The following DYM variants were observed in gnomAD, a reference collection of about 807,000 sequenced individuals.
The protein encoded by DYM is dyggve-Melchior-Clausen syndrome protein.
DYM carries 78 observed loss-of-function variants against 93.1 expected under a neutral mutation model. The ratio of observed to expected loss-of-function variants is 0.84; its 90% CI spans 0.70 to 1.01. The LOEUF (loss-of-function observed/expected upper bound fraction) is 1.01, where lower values mean the gene tolerates loss of function less well. Ranked by LOEUF, DYM falls within the 50% of genes least tolerant of loss-of-function variation. The pLI is 0.00. For missense variants in DYM, 789 were observed against 845.0 expected (o/e 0.93, Z 0.82); for synonymous variants, 321 against 319.7 (o/e 1.00, Z -0.04).
chr18:49,068,000 T>C (rs1049934165), intron 17 of DYM, among the ~76,000 whole-genome samples: 4 of 152,182 alleles, frequency 2.6e-5, no homozygotes, highest in Non-Finnish European at 5.9e-5. Flanking sequence ...AAAGAGAATT[T>C]GAGTTAACAT....
chr18:49,069,582 ATATACT>A (rs2076725164), intron 17 of DYM, among the ~76,000 whole-genome samples: 1 of 152,266 alleles, frequency 6.6e-6, no homozygotes, highest in African/African-American at 2.4e-5. Flanking sequence ...AAAACAACAC[ATATACT>A]TATAAAAGTA....
At chr18:49,198,803 T>G (rs1025871361) in intron 14 of DYM, among the ~76,000 whole-genome samples, 62 of 151,910 alleles carry the variant, frequency 4.1e-4, no homozygotes, top group Non-Finnish European at 7.8e-4. Flanking sequence ...GTTTAACCAT[T>G]GTGGAAGTCG....
At chr18:49,331,719 TTTAA>T (rs1359297115) in intron 8 of DYM, 141 bp downstream of exon 8, 154 of 870,266 alleles carry the variant, frequency 1.8e-4, no homozygotes, top group Middle Eastern at 3.2e-4. Context: ...AGATTAATAT[TTTAA>T]TTACTTTGTT....
chr18:49,368,750 T>C (rs910387839), intron 5 of DYM: 1 of 152,128 alleles, frequency 6.6e-6, no homozygotes, highest in Admixed American at 6.5e-5. Context: ...CCACCGAGTT[T>C]GGCAAAACAA....
chr18:49,458,535 T>C (rs1247786301), intron 1 of DYM, among the ~76,000 whole-genome samples: 1 of 152,192 alleles, frequency 6.6e-6, no homozygotes, highest in Non-Finnish European at 1.5e-5. Context: ...AATGGTATTC[T>C]GGGCCTATTA....
At chr18:49,309,118 T>G (rs1337895187) in intron 8 of DYM, among the ~76,000 whole-genome samples, 1 of 152,172 alleles carries the variant, frequency 6.6e-6, no homozygotes, top group Non-Finnish European at 1.5e-5. Context: ...AAATTCAGAT[T>G]CAAATCCAGT....
intron 8 of DYM, among the ~76,000 whole-genome samples, chr18:49,318,956 A>G (rs1219248292): frequency 6.6e-6 from 1 of 150,422 alleles, no homozygotes; most frequent in African/African-American, 2.4e-5. Context: ...ACCTGCCACC[A>G]CGCCCAACTA....
At chr18:49,262,791 T>TCTA (rs2094510311) in intron 11 of DYM, among the ~76,000 whole-genome samples, 1 of 152,182 alleles carries the variant, frequency 6.6e-6, no homozygotes, top group Non-Finnish European at 1.5e-5. Flanking sequence ...TATATCCAAG[T>TCTA]CTACTTCATT....
At chr18:49,127,943 T>G (rs1568463589) in intron 15 of DYM, among the ~76,000 whole-genome samples, 1 of 152,188 alleles carries the variant, frequency 6.6e-6, no homozygotes, top group Non-Finnish European at 1.5e-5. Flanking sequence ...CATGCGGGGA[T>G]GTAAAACCAT....
chr18:49,370,265 C>T (rs1376825929), intron 5 of DYM, among the ~76,000 whole-genome samples: 5 of 139,078 alleles, frequency 3.6e-5, no homozygotes, highest in East Asian at 4.3e-4. Context: ...GAAACAAGAG[C>T]GAAACTCCAT....
At chr18:49,203,839 G>A (rs1252974041) in intron 14 of DYM, among the ~76,000 whole-genome samples, 3 of 40,212 alleles carry the variant, frequency 7.5e-5, no homozygotes, top group Admixed American at 7.7e-4. Context: ...AAACACCCAA[G>A]AATTATCAAT....
At chr18:49,391,281 C>A in intron 3 of DYM, 1 of 317,412 alleles carries the variant, frequency 3.2e-6, no homozygotes, top group South Asian at 3.4e-5. Context: ...TTCTGGTGAA[C>A]ATAGTCAATA....
intron 1 of DYM, chr18:49,431,887 C>G (rs2080351870): frequency 6.6e-6 from 1 of 152,184 alleles, no homozygotes; most frequent in Non-Finnish European, 1.5e-5. Flanking sequence ...CTCCTCATCG[C>G]CTGCCCCTAA....
At chr18:49,202,951 G>T (rs1489740933) in intron 14 of DYM, among the ~76,000 whole-genome samples, 1 of 129,950 alleles carries the variant, frequency 7.7e-6, no homozygotes, top group Non-Finnish European at 1.7e-5. Flanking sequence ...CGGGAGGGAG[G>T]TGAGGGGTCA....
At chr18:49,355,585 T>C (rs1402330300) in intron 6 of DYM, among the ~76,000 whole-genome samples, 1 of 152,202 alleles carries the variant, frequency 6.6e-6, no homozygotes, top group Non-Finnish European at 1.5e-5. Context: ...ATTTGGGTGA[T>C]AATCCAGTGC....
At chr18:49,146,768 G>T (rs1035624145) in intron 15 of DYM, among the ~76,000 whole-genome samples, 26 of 152,300 alleles carry the variant, frequency 1.7e-4, no homozygotes, top group African/African-American at 5.3e-4. Flanking sequence ...TGGCCATACT[G>T]CCCAAGGTAA....
chr18:49,080,154 G>GGGGT (rs1186691333), intron 17 of DYM, among the ~76,000 whole-genome samples: 1 of 38,840 alleles, frequency 2.6e-5, no homozygotes, highest in Admixed American at 2.2e-4. Context: ...GCTGGCCGGG[G>GGGGT]GGGGGCTGAC....
At chr18:49,091,840 C>G (rs1034420502) in intron 17 of DYM, among the ~76,000 whole-genome samples, 6 of 152,062 alleles carry the variant, frequency 3.9e-5, no homozygotes, top group Admixed American at 2.6e-4. Flanking sequence ...GTCTCAAACT[C>G]CTGTCCTCGT....
intron 11 of DYM, among the ~76,000 whole-genome samples, chr18:49,260,051 A>G (rs1172469135): frequency 6.6e-6 from 1 of 152,100 alleles, no homozygotes; most frequent in Non-Finnish European, 1.5e-5. Context: ...CCATAAAATA[A>G]GAAGAGACTG....
Sources: gnomAD v4.1 joint callset for allele counts (sites outside exome capture counted in the v4.1 genomes callset) on GRCh38, gnomAD v4.1.1 for gene constraint, MANE v1.5 for transcripts, NCBI Gene and HGNC (gene_info 2026-07-23, HGNC 2026-07-21) for gene names.